MAN2A1: variants seen among roughly 807,000 people sequenced by gnomAD.
MAN2A1 encodes the protein alpha-mannosidase 2.
Under a neutral mutation model 142.6 loss-of-function variants are expected in MAN2A1, and 76 were observed. The ratio of observed to expected loss-of-function variants is 0.53; its 90% CI spans 0.44 to 0.65. MAN2A1 has a LOEUF of 0.65. Among genes scored for constraint, MAN2A1 ranks in the 30% least tolerant of loss-of-function variants. The pLI, the probability that MAN2A1 is intolerant of heterozygous loss-of-function variation, is 0.00. For missense variants in MAN2A1, 1,311 were observed against 1,365.1 expected (o/e 0.96, Z 0.62); for synonymous variants, 559 against 473.2 (o/e 1.18, Z -2.35).
intron 4 of MAN2A1, among the ~76,000 whole-genome samples, chr5:109,751,913 T>C (rs567705707): frequency 5.3e-5 from 8 of 152,266 alleles, no homozygotes; most frequent in East Asian, 1.9e-4. Context: ...TCTTTGAAAC[T>C]TAACTTTTTA....
intron 1 of MAN2A1, among the ~76,000 whole-genome samples, chr5:109,700,468 T>C (rs756445662): frequency 2.6e-5 from 4 of 152,180 alleles, no homozygotes; most frequent in Non-Finnish European, 5.9e-5. Context: ...TGTAGAGGAA[T>C]GTGGCATTTA....
intron 12 of MAN2A1, among the ~76,000 whole-genome samples, chr5:109,815,837 G>A (rs1193755003): frequency 6.6e-6 from 1 of 152,170 alleles, no homozygotes; most frequent in African/African-American, 2.4e-5. Flanking sequence ...AGAGGTGGTT[G>A]TTATCCAACT....
chr5:109,815,853 G>C (rs1190838123), intron 12 of MAN2A1, among the ~76,000 whole-genome samples: 1 of 152,172 alleles, frequency 6.6e-6, no homozygotes, highest in Non-Finnish European at 1.5e-5. Context: ...CAACTATTCA[G>C]TGTGTTCCTG....
At chr5:109,704,095 G>A (rs997603326) in intron 1 of MAN2A1, among the ~76,000 whole-genome samples, 1 of 152,178 alleles carries the variant, frequency 6.6e-6, no homozygotes, top group African/African-American at 2.4e-5. Flanking sequence ...ATCCTGTGTA[G>A]TGATTCTGGC....
At chr5:109,734,662 T>C (rs1752031055) in intron 4 of MAN2A1, among the ~76,000 whole-genome samples, 4 of 152,222 alleles carry the variant, frequency 2.6e-5, no homozygotes, top group Non-Finnish European at 5.9e-5. Flanking sequence ...TTGTTCAGTT[T>C]CCATGTAGTT....
intron 4 of MAN2A1, among the ~76,000 whole-genome samples, chr5:109,751,851 C>A (rs935686109): frequency 2.0e-5 from 3 of 151,928 alleles, no homozygotes; most frequent in Admixed American, 1.3e-4. Flanking sequence ...TCTCCTTTTG[C>A]TTGTTTTTTG....
At chr5:109,817,195 T>C in intron 12 of MAN2A1, 78 bp from the exon 13 acceptor site, 3 of 1,233,738 alleles carry the variant, frequency 2.4e-6, no homozygotes, top group Non-Finnish European at 3.5e-6. Context: ...TATATGTATA[T>C]GTATATCTAC....
In MAN2A1 at chr5:109,866,991, T is replaced by G; in HGVS notation, c.3428T>G (p.Leu1143Trp). Reference protein sequence around the residue: ...PMEISTFRIQLR With the variant: ...PMEISTFRIQWR ...GAAATCAGCACATTCCGAATCCAGT[T>G]GAGGTGAACCTGACTTTCACATTTG... The change falls in exon 22 of 22, where the codon TTG (leucine) becomes TGG (tryptophan). Residue 1143 changes from leucine (L) to tryptophan (W), a missense_variant. Around this residue, in one of 3 missense-constraint regions of MAN2A1, gnomAD observed 890 missense variants for 920.5 expected, o/e 0.97. Coordinates refer to ENST00000261483, the MANE Select transcript of MAN2A1 (RefSeq NM_002372.4). The G allele has an allele frequency of 6.2e-7, 1 of 1,607,864 alleles. No homozygotes were observed. Among genetic ancestry groups the G allele is most frequent in the Non-Finnish European group, 8.5e-7 (1 of 1,177,430 alleles).
At chr5:109,849,945 C>T (rs999381031) in intron 19 of MAN2A1, among the ~76,000 whole-genome samples, 6 of 152,250 alleles carry the variant, frequency 3.9e-5, no homozygotes, top group South Asian at 2.1e-4. Flanking sequence ...TCCTCCCCAC[C>T]GCACTTTTGC....
intron 3 of MAN2A1, among the ~76,000 whole-genome samples, chr5:109,725,248 T>C (rs1199261835): frequency 6.6e-6 from 1 of 152,202 alleles, no homozygotes; most frequent in Non-Finnish European, 1.5e-5. Flanking sequence ...AAATGTAGGT[T>C]TAGATTGCTG....
chr5:109,785,409 G>A (rs1484401883), intron 10 of MAN2A1, among the ~76,000 whole-genome samples: 1 of 151,428 alleles, frequency 6.6e-6, no homozygotes, highest in African/African-American at 2.4e-5. Flanking sequence ...AGCCAGGAAG[G>A]AAAAAGACCT....
At chr5:109,745,766 G>A (rs1390595326) in intron 4 of MAN2A1, among the ~76,000 whole-genome samples, 3 of 152,078 alleles carry the variant, frequency 2.0e-5, no homozygotes, top group African/African-American at 7.2e-5. Flanking sequence ...TACAGGTGCA[G>A]GCCACCATGC....
chr5:109,755,362 A>G lies in MAN2A1; in HGVS notation c.741A>G (p.Thr247=), dbSNP rs1490152884. 6.2e-7 allele frequency: 1 copy of G among 1,612,774 alleles called. No homozygotes were observed. The highest frequency in any genetic ancestry group is 8.5e-7 in the Non-Finnish European group (1 of 1,178,768). ...LIENGQLEIV[T]GGWVMPDEAT... ...AAAATGGTCAGCTTGAAATTGTGAC[A>G]GGTGGCTGGGTTATGCCTGATGAAG... Residue 247 remains threonine (T), a synonymous_variant, in exon 5 of 22, where the codon ACA becomes ACG. Transcript: ENST00000261483.
At chr5:109,735,784 A>G (rs773239887) in intron 4 of MAN2A1, among the ~76,000 whole-genome samples, 2 of 152,098 alleles carry the variant, frequency 1.3e-5, no homozygotes, top group African/African-American at 4.8e-5. Flanking sequence ...TTCGTACTCC[A>G]TCAAAAAAGT....
intron 2 of MAN2A1, among the ~76,000 whole-genome samples, chr5:109,714,134 A>ATT (rs1161551745): frequency 6.6e-6 from 1 of 150,940 alleles, no homozygotes; most frequent in Non-Finnish European, 1.5e-5. Flanking sequence ...TTCTTATTAT[A>ATT]TATCAGTTGT....
chr5:109,804,384 A>G (rs1754110233), intron 12 of MAN2A1: 2 of 553,494 alleles, frequency 3.6e-6, no homozygotes, highest in Non-Finnish European at 2.3e-6. Flanking sequence ...AGACAATTGT[A>G]TGTGAAATCG....
At chr5:109,853,595 C>T (rs1755536082) in intron 19 of MAN2A1, 1 of 152,150 alleles carries the variant, frequency 6.6e-6, no homozygotes, top group Non-Finnish European at 1.5e-5. Flanking sequence ...GTTTCTTGAC[C>T]TAGAGTGGAC....
At chr5:109,777,415 G>T (rs979317175) in intron 8 of MAN2A1, among the ~76,000 whole-genome samples, 3 of 151,766 alleles carry the variant, frequency 2.0e-5, no homozygotes, top group African/African-American at 7.2e-5. Context: ...AATTAAATTG[G>T]GGTTGTCTTT....
At chr5:109,730,020 TG>T (rs1267467919) in intron 4 of MAN2A1, among the ~76,000 whole-genome samples, 1 of 152,126 alleles carries the variant, frequency 6.6e-6, no homozygotes, top group Non-Finnish European at 1.5e-5. Flanking sequence ...GTTACAACTT[TG>T]TCCCACAAAT....
Sources: gnomAD v4.1 joint callset for allele counts (sites outside exome capture counted in the v4.1 genomes callset) on GRCh38, gnomAD v4.1.1 for gene constraint, gnomAD v4.1.1 regional missense constraint, MANE v1.5 for transcripts, NCBI Gene and HGNC (gene_info 2026-07-23, HGNC 2026-07-21) for gene names.